The following MYLK4 variants were observed in gnomAD, a reference collection of about 807,000 sequenced individuals.
The protein encoded by MYLK4 is caMLCK like.
In MYLK4, 46 loss-of-function variants were observed where a neutral mutation model predicts 48.1. The ratio of observed to expected loss-of-function variants is 0.96; its 90% CI spans 0.75 to 1.22. The LOEUF (loss-of-function observed/expected upper bound fraction) is 1.22, where lower values mean the gene tolerates loss of function less well. Ranked by LOEUF, MYLK4 falls within the 50% of genes most tolerant of loss-of-function variation. The probability of loss-of-function intolerance (pLI) is 0.00; values close to 1 mark genes in which losing one functional copy is unlikely to be tolerated. For synonymous variants in MYLK4, 170 were observed against 180.8 expected (o/e 0.94, Z 0.48); for missense variants, 451 against 486.1 (o/e 0.93, Z 0.68).
chr6:2,694,578 CTGGTGGTGG>C (rs74207680), intron 2 of MYLK4, among the ~76,000 whole-genome samples: 32 of 46,218 alleles, frequency 6.9e-4, no homozygotes, highest in Non-Finnish European at 1.3e-3. Flanking sequence ...GGTAGTGCTG[CTGGTGGTGG>C]TGGTGGTGGT....
chr6:2,682,746 G>A (rs994791130), intron 7 of MYLK4, among the ~76,000 whole-genome samples: 1 of 152,146 alleles, frequency 6.6e-6, no homozygotes, highest in African/African-American at 2.4e-5. Context: ...GGTGGTGACT[G>A]TTTTCATTCT....
intron 2 of MYLK4, among the ~76,000 whole-genome samples, chr6:2,742,096 A>C (rs1763917451): frequency 6.6e-6 from 1 of 151,088 alleles, no homozygotes; most frequent in African/African-American, 2.4e-5. Context: ...TAAAAAAAAA[A>C]CTCTTCCTTT....
At chr6:2,760,081 T>C in the MYLK4 span, among the ~76,000 whole-genome samples, 30 of 152,310 alleles carry the variant, frequency 2.0e-4, 1 homozygote, top group South Asian at 6.2e-3. Flanking sequence ...ATTTACATTG[T>C]ATTAGGTATC....
chr6:2,691,916 T>C (rs1043963641), intron 3 of MYLK4, among the ~76,000 whole-genome samples: 1 of 152,236 alleles, frequency 6.6e-6, no homozygotes, highest in African/African-American at 2.4e-5. Context: ...AATAAGGCCT[T>C]AAACCGCAAT....
the MYLK4 span, chr6:2,768,971 C>T: frequency 0.99 from 1,316,813 of 1,323,990 alleles, 655,086 homozygotes; most frequent in South Asian, 1. Flanking sequence ...TAGAGACTTA[C>T]GAGCTTTGTT....
intron 10 of MYLK4, among the ~76,000 whole-genome samples, chr6:2,677,666 G>T (rs769298168): frequency 5.9e-5 from 9 of 152,188 alleles, no homozygotes; most frequent in Non-Finnish European, 1.2e-4. Context: ...CAAGTGTGCG[G>T]CCGTTGGGGA....
At chr6:2,715,048 C>T (rs6927206) in intron 2 of MYLK4, among the ~76,000 whole-genome samples, 27,463 of 151,872 alleles carry the variant, frequency 0.18, 2,561 homozygotes, top group Admixed American at 0.22. Flanking sequence ...GCAGATCACC[C>T]GAGGTCAGGA....
Position 2,683,045 on chromosome 6 carries a change from C to T in MYLK4, c.663G>A (p.Met221Ile). 6.2e-7 allele frequency: 1 copy of T among 1,614,172 alleles called. No individual in the cohort carries two copies. Among genetic ancestry groups the T allele is most frequent in the Non-Finnish European group, 8.5e-7 (1 of 1,180,042 alleles). ...CCTTCAGGTCCAAGTGGAGAATGTA[C>T]ATCTGATGCATGTGCCTTATCCCCT... ...ICEGIRHMHQ[M>I]YILHLDLKPE... is the part of the protein sequence containing the mutation. The change falls in exon 7 of 13, where the codon ATG (methionine) becomes ATA (isoleucine). Residue 221 changes from methionine to isoleucine, a missense_variant. Physicochemically the swap from Met to Ile is conservative, Grantham distance 10 (BLOSUM62 1). Coordinates refer to ENST00000274643, the MANE Select transcript of MYLK4 (RefSeq NM_001012418.5).
intron 2 of MYLK4, among the ~76,000 whole-genome samples, chr6:2,706,580 A>G (rs531411171): frequency 1.3e-5 from 2 of 152,286 alleles, no homozygotes; most frequent in East Asian, 3.9e-4. Context: ...TGAAAACTGT[A>G]TTAGCACCTG....
At chr6:2,722,063 G>C (rs564643064) in intron 2 of MYLK4, among the ~76,000 whole-genome samples, 4 of 152,340 alleles carry the variant, frequency 2.6e-5, no homozygotes, top group African/African-American at 9.6e-5. Context: ...AACATAAAGA[G>C]ACAGGGTCTT....
At chr6:2,715,631 T>G (rs910630562) in intron 2 of MYLK4, among the ~76,000 whole-genome samples, 10 of 152,192 alleles carry the variant, frequency 6.6e-5, no homozygotes, top group African/African-American at 2.4e-4. Flanking sequence ...ACAAGACATC[T>G]AAATCAAAGT....
intron 2 of MYLK4, among the ~76,000 whole-genome samples, chr6:2,742,776 A>C (rs1763943345): frequency 2.0e-5 from 3 of 149,618 alleles, no homozygotes; most frequent in African/African-American, 4.9e-5. Context: ...CTAAATGACG[A>C]GTTAATGGGT....
the MYLK4 span, among the ~76,000 whole-genome samples, chr6:2,763,490 C>T: frequency 1.3e-5 from 2 of 152,222 alleles, no homozygotes; most frequent in East Asian, 1.9e-4. Context: ...GCAACTACGG[C>T]CTGGCGAGAA....
Position 2,692,788 on chromosome 6 carries a change from G to C in MYLK4, c.231C>G (p.Leu77=), listed in dbSNP as rs147243450. 187 of 1,613,422 alleles carry C rather than the reference G, an allele frequency of 1.2e-4. No homozygotes were observed. Among genetic ancestry groups the C allele is most frequent in the Non-Finnish European group, 1.5e-4 (179 of 1,179,820 alleles). Residue 77 remains leucine (L), a synonymous_variant, in exon 3 of 13, where the codon CTC becomes CTG. Coordinates refer to ENST00000274643, the MANE Select transcript of MYLK4 (RefSeq NM_001012418.5). The stretch of plus-strand genomic sequence containing the variant: ...CTACTTTTCTAAAGATGTTACCTGC[G>C]AGGGCTGATGTCCTTTTGCTTTTGA... ...MPVKSKRTSA[L]AVDIPAPPAP... is the part of the protein sequence containing the mutation.
the MYLK4 span, among the ~76,000 whole-genome samples, chr6:2,761,232 TTAAAAG>T: frequency 3.9e-5 from 6 of 152,150 alleles, no homozygotes; most frequent in African/African-American, 1.4e-4. Flanking sequence ...AGTTACACAC[TTAAAAG>T]TAAACCACCG....
intron 2 of MYLK4, among the ~76,000 whole-genome samples, chr6:2,721,035 C>G (rs1205623402): frequency 6.6e-6 from 1 of 152,062 alleles, no homozygotes; most frequent in Non-Finnish European, 1.5e-5. Flanking sequence ...GTGGCACCTG[C>G]CTGTAGTCCC....
At chr6:2,729,657 A>G (rs1039969629) in intron 2 of MYLK4, among the ~76,000 whole-genome samples, 1 of 151,988 alleles carries the variant, frequency 6.6e-6, no homozygotes, top group Non-Finnish European at 1.5e-5. Context: ...AGTGGATCAG[A>G]TGTGTTTTAG....
chr6:2,744,154 C>G (rs879678245), intron 2 of MYLK4: 1 of 396,342 alleles, frequency 2.5e-6, no homozygotes, highest in African/African-American at 2.1e-5. Context: ...TGGGTGTCAC[C>G]GAATTACAGA....
At chr6:2,740,883 C>T (rs1763877075) in intron 2 of MYLK4, among the ~76,000 whole-genome samples, 1 of 152,174 alleles carries the variant, frequency 6.6e-6, no homozygotes, top group Admixed American at 6.5e-5. Context: ...GGCCAAATAC[C>T]ACAGGGCAAA....
Sources: gnomAD v4.1 joint callset for allele counts (sites outside exome capture counted in the v4.1 genomes callset) on GRCh38, gnomAD v4.1.1 for gene constraint, MANE v1.5 for transcripts, NCBI Gene and HGNC (gene_info 2026-07-23, HGNC 2026-07-21) for gene names.